The following PAPOLG variants were observed in gnomAD, a reference collection of about 807,000 sequenced individuals.
PAPOLG encodes poly(A) polymerase gamma, also known as PAP-gamma.
A neutral mutation model predicts 99.0 loss-of-function variants in PAPOLG; 40 were observed. The observed-to-expected ratio is 0.40, with a 90% CI of 0.31 to 0.53. The LOEUF (loss-of-function observed/expected upper bound fraction) is 0.53, where lower values mean the gene tolerates loss of function less well. PAPOLG is among the 20% of genes least tolerant of loss of function. The probability of loss-of-function intolerance (pLI) is 0.41; values close to 1 mark genes in which losing one functional copy is unlikely to be tolerated. For missense variants in PAPOLG, 675 were observed against 884.1 expected (o/e 0.76, Z 3.00); for synonymous variants, 310 against 299.3 (o/e 1.04, Z -0.37).
chr2:60,785,037 C>T (rs993745348), intron 13 of PAPOLG, among the ~76,000 whole-genome samples: 2 of 152,262 alleles, frequency 1.3e-5, no homozygotes, highest in South Asian at 4.1e-4. Flanking sequence ...AAGCTGCCAT[C>T]GGTCACATTT....
Position 60,768,564 on chromosome 2 carries a change from C to T in PAPOLG, c.328+13C>T, listed in dbSNP as rs746048030. 1 of 1,569,822 alleles carries T rather than the reference C, an allele frequency of 6.4e-7. No homozygotes were observed. The highest frequency in any genetic ancestry group is 8.8e-7 in the Non-Finnish European group (1 of 1,141,492). ...GTACACACCAAAGGTAACTGCTTTT[C>T]TGTGTTCTAGTGCTAAGAACATTCA... is the stretch of plus-strand genomic sequence containing the variant. On this transcript the variant is annotated intron_variant, in intron 4 of 21. Coordinates refer to ENST00000238714, the MANE Select transcript of PAPOLG (RefSeq NM_022894.4).
chr2:60,773,340 C>T (rs780837740), intron 7 of PAPOLG, among the ~76,000 whole-genome samples: 1 of 152,192 alleles, frequency 6.6e-6, no homozygotes, highest in Non-Finnish European at 1.5e-5. Context: ...CAGGCAACCA[C>T]TAATCTGCTT....
chr2:60,798,824 T>A lies in PAPOLG; in HGVS notation c.*1664T>A, dbSNP rs1423124408. 6.6e-6 allele frequency: 1 copy of A among 152,484 alleles called. No individual in the cohort carries two copies. Among genetic ancestry groups the A allele is most frequent in the South Asian group, 2.1e-4 (1 of 4,826 alleles). The allele number at this position is 152,484 out of a possible 1,614,324, so 9.4% of individuals were successfully genotyped here. ...GCCCCTTAGGTCTCCAAAATGTAAA[T>A]TCTAATGTTTACCTTGTACCATGGA... On this transcript the variant is annotated 3_prime_UTR_variant, in exon 22 of 22. Coordinates refer to ENST00000238714, the MANE Select transcript of PAPOLG (RefSeq NM_022894.4).
At position 60,789,374 on chromosome 2, in the gene PAPOLG, AAAT is replaced by A. The variant is rs139549854; in HGVS notation, c.1396+1757_1396+1759del. Among the ~76,000 whole-genome samples, 1,051 of 151,902 alleles carry A rather than the reference AAAT, an allele frequency of 6.9e-3. 17 individuals carry two copies. The highest frequency in any genetic ancestry group is 0.024 in the African/African-American group (1,004 of 41,506). On this transcript the variant is annotated intron_variant, in intron 15 of 21. Transcript: ENST00000238714. Reference sequence around the variant, plus strand: ...AATAAATAAATAAATAAAAAATAAAAAATAAAAGACTTGATTTTTATGGGTTTT... The same window carrying A: ...AATAAATAAATAAATAAAAAATAAAAAAAAGACTTGATTTTTATGGGTTTT...
chr2:60,781,951 A>T lies in PAPOLG; in HGVS notation c.973A>T (p.Thr325Ser), dbSNP rs746424961. ...ITPAYPQQNSTYNVSTSTRTV... is the reference protein window; with the variant it reads ...ITPAYPQQNSSYNVSTSTRTV... Reference sequence around the variant, plus strand: ...CCCTGCCTACCCACAACAGAATTCTACGTATAATGTGTCCACATCAACTCG... The same window carrying T: ...CCCTGCCTACCCACAACAGAATTCTTCGTATAATGTGTCCACATCAACTCG... Residue 325 changes from threonine (T) to serine (S), a missense_variant, in exon 11 of 22, where the codon ACG becomes TCG. Physicochemically the swap from Thr to Ser is moderately conservative, Grantham distance 58 (BLOSUM62 1). This residue lies in a region of PAPOLG where 113 missense variants were observed against 231.5 expected (regional missense o/e 0.49). Coordinates refer to ENST00000238714, the MANE Select transcript of PAPOLG (RefSeq NM_022894.4). 1.2e-6 allele frequency: 2 copies of T among 1,613,928 alleles called. No individual in the cohort carries two copies. The highest frequency in any genetic ancestry group is 8.5e-7 in the Non-Finnish European group (1 of 1,179,822).
chr2:60,791,307 T>A (rs1285199955), intron 15 of PAPOLG, among the ~76,000 whole-genome samples: 5 of 152,154 alleles, frequency 3.3e-5, no homozygotes, highest in Admixed American at 6.5e-5. Flanking sequence ...TCCCACCACT[T>A]TGGGAGGCCG....
In PAPOLG at chr2:60,756,301, G is replaced by C; in HGVS notation, c.-178G>C. The C allele has an allele frequency of 1.3e-6, 1 of 740,792 alleles. No individual in the cohort carries two copies. Among genetic ancestry groups the C allele is most frequent in the Non-Finnish European group, 2.3e-6 (1 of 425,538 alleles). The allele number at this position is 740,792 out of a possible 1,614,324, so 45.9% of individuals were successfully genotyped here. ...CGGCCGCGCTGTATTGTCATAAATA[G>C]AGCCGGTTTTGTGGTGTTTTCACTA... On this transcript the variant is annotated 5_prime_UTR_variant, in exon 1 of 22. Coordinates refer to ENST00000238714, the MANE Select transcript of PAPOLG (RefSeq NM_022894.4).
Position 60,761,767 on chromosome 2 carries a change from A to G in PAPOLG, c.206A>G (p.Asn69Ser), listed in dbSNP as rs755759033. 3.1e-6 allele frequency: 5 copies of G among 1,605,018 alleles called. No homozygotes were observed. Among genetic ancestry groups the G allele is most frequent in the Middle Eastern group, 1.7e-4 (1 of 6,036 alleles). The change falls in exon 3 of 22, where the codon AAT becomes AGT. Residue 69 changes from asparagine to serine, a missense_variant. This residue lies in a region of PAPOLG where 149 missense variants were observed against 192.1 expected (regional missense o/e 0.78). Transcript: ENST00000238714. ...CTGGTGGTTCTTGGTAAATTGAACAATTTAGTAAAAGAATGGATTTCTGAT... is the reference window on the plus strand; with the variant it reads ...CTGGTGGTTCTTGGTAAATTGAACAGTTTAGTAAAAGAATGGATTTCTGAT... ...HRLVVLGKLN[N>S]LVKEWISDVS...
intron 3 of PAPOLG, among the ~76,000 whole-genome samples, chr2:60,766,690 A>C (rs1263143310): frequency 6.6e-6 from 1 of 151,418 alleles, no homozygotes; most frequent in African/African-American, 2.4e-5. Context: ...AAAAAAAAAA[A>C]AAAAACCCAA....
chr2:60,774,632 CTGGG>C (rs1670963882), intron 7 of PAPOLG, among the ~76,000 whole-genome samples: 1 of 152,134 alleles, frequency 6.6e-6, no homozygotes, highest in East Asian at 1.9e-4. Context: ...TACCAAAGGG[CTGGG>C]ATTGAGAACC....
intron 13 of PAPOLG, among the ~76,000 whole-genome samples, chr2:60,785,147 T>G (rs924827492): frequency 9.4e-5 from 14 of 148,958 alleles, no homozygotes; most frequent in Admixed American, 2.0e-4. Flanking sequence ...TTGTTTTTTG[T>G]TTTTTTTTTG....
chr2:60,770,557 C>A, intron 6 of PAPOLG, 46 bp downstream of exon 6: 1 of 1,266,626 alleles, frequency 7.9e-7, no homozygotes, highest in South Asian at 1.4e-5. Context: ...ACTGTTTAAA[C>A]TTGTAAGTTT....
At chr2:60,767,680 G>GAA (rs550695197) in intron 3 of PAPOLG, among the ~76,000 whole-genome samples, 35 of 152,300 alleles carry the variant, frequency 2.3e-4, no homozygotes, top group African/African-American at 8.4e-4. Context: ...ATCATGTCAG[G>GAA]AATGACTCCG....
intron 6 of PAPOLG, among the ~76,000 whole-genome samples, chr2:60,770,922 C>T (rs1553376966): frequency 6.6e-6 from 1 of 152,112 alleles, no homozygotes; most frequent in South Asian, 2.1e-4. Flanking sequence ...CGCGCCTGGC[C>T]CATATTTTTA....
chr2:60,759,369 A>G (rs1204068514), intron 1 of PAPOLG, among the ~76,000 whole-genome samples: 1 of 150,370 alleles, frequency 6.7e-6, no homozygotes, highest in Admixed American at 6.6e-5. Context: ...CTCCATCTCA[A>G]AAAAAAAAAG....
At chr2:60,780,593 C>A in intron 9 of PAPOLG, 114 bp from the exon 10 acceptor site, 2 of 1,135,190 alleles carry the variant, frequency 1.8e-6, no homozygotes, top group Non-Finnish European at 2.5e-6. Flanking sequence ...CCTTTAATAC[C>A]AAATACCCAG....
In PAPOLG at chr2:60,756,338, G is replaced by C. The variant is rs180891538; in HGVS notation, c.-141G>C. 4.1e-3 allele frequency: 4,151 copies of C among 1,008,388 alleles called. 17 individuals carry two copies. Among genetic ancestry groups the C allele is most frequent in the Non-Finnish European group, 4.4e-3 (2,795 of 640,670 alleles). 62.5% of individuals were successfully genotyped at this position (1,008,388 alleles called of 1,614,324 possible). A position where few individuals can be genotyped will look rare whatever the true frequency, so the allele number is the denominator to read the frequency against. On this transcript the variant is annotated 5_prime_UTR_variant, in exon 1 of 22. An upstream start codon of the reference 5' UTR is lost. Coordinates refer to ENST00000238714, the MANE Select transcript of PAPOLG (RefSeq NM_022894.4). ...TGGTGTTTTCACTACTCGGTTGGAT[G>C]CCTCAGCCATAGTAAGTGGGAAAGT...
At chr2:60,781,264 C>T (rs915623968) in intron 10 of PAPOLG, among the ~76,000 whole-genome samples, 5 of 151,700 alleles carry the variant, frequency 3.3e-5, no homozygotes, top group African/African-American at 1.2e-4. Context: ...GGCTGAGGCA[C>T]GAGAATCACC....
Position 60,775,141 on chromosome 2 carries a change from T to A in PAPOLG, c.694+18T>A. 1.3e-6 allele frequency: 2 copies of A among 1,592,484 alleles called. No individual in the cohort carries two copies. Among genetic ancestry groups the A allele is most frequent in the Non-Finnish European group, 1.7e-6 (2 of 1,174,070 alleles). ...GGCAAAACGTAAGTATCCCTAGTCTTTTATGTTTGCATTATAAAATTCTAA... is the reference window on the plus strand; with the variant it reads ...GGCAAAACGTAAGTATCCCTAGTCTATTATGTTTGCATTATAAAATTCTAA... On this transcript the variant is annotated intron_variant, in intron 8 of 21. Transcript: ENST00000238714.
Sources: allele counts gnomAD v4.1 joint callset (sites outside exome capture counted in the v4.1 genomes callset), GRCh38; gene constraint gnomAD v4.1.1; regional missense constraint gnomAD v4.1.1; transcripts MANE v1.5; gene names NCBI Gene and HGNC (gene_info 2026-07-23, HGNC 2026-07-21).